Variants in CSMD1 observed in about 807,000 individuals in gnomAD.
CSMD1 encodes the protein CUB and Sushi multiple domains 1, also known as CUB and sushi domain-containing protein 1.
A neutral mutation model predicts 417.5 loss-of-function variants in CSMD1; 213 were observed. That is an observed-to-expected ratio of 0.51 (90% CI 0.46 to 0.57). The LOEUF is 0.57. Among genes scored for constraint, CSMD1 ranks in the 20% least tolerant of loss-of-function variants. CSMD1 has a pLI of 0.00. For synonymous variants in CSMD1, 2,862 were observed against 1,736.8 expected, an observed-to-expected ratio of 1.65 and a Z score of -16.11; for missense variants, 6,923 against 4,529.7, an observed-to-expected ratio of 1.53 and a Z score of -15.17.
intron 25 of CSMD1, among the ~76,000 whole-genome samples, chr8:3,293,852 T>G (rs1803762597): frequency 6.6e-6 from 1 of 152,234 alleles, no homozygotes; most frequent in South Asian, 2.1e-4. Flanking sequence ...TCCATCCAGC[T>G]TTGTTCCATT....
intron 11 of CSMD1, among the ~76,000 whole-genome samples, chr8:3,475,396 T>C (rs1041973764): frequency 6.6e-6 from 1 of 152,220 alleles, no homozygotes; most frequent in African/African-American, 2.4e-5. Context: ...CTACACTGTA[T>C]TCATTATACA....
intron 5 of CSMD1, among the ~76,000 whole-genome samples, chr8:3,911,903 T>C (rs1056370225): frequency 9.2e-5 from 14 of 152,340 alleles, no homozygotes; most frequent in African/African-American, 3.1e-4. Context: ...TTTCTCACCA[T>C]CATTTTCCAA....
In CSMD1 at chr8:3,358,564, T is replaced by C. The variant is rs534207605; in HGVS notation, c.3304+588A>G. ...AATTCCTGCATGTGAGCCTAGTACT[T>C]CATGGCAAAGTACCGAAATAAAAAT... On this transcript the variant is annotated intron_variant, in intron 21 of 69. Coordinates refer to ENST00000635120, the MANE Select transcript of CSMD1 (RefSeq NM_033225.6). Among the ~76,000 whole-genome samples the C allele has an allele frequency of 1.3e-4, 20 of 152,182 alleles. 1 individual carries two copies. The South Asian group carries it at 3.5e-3, about 27-fold the overall frequency.
intron 3 of CSMD1, among the ~76,000 whole-genome samples, chr8:4,204,357 G>A (rs1223637918): frequency 1.3e-5 from 2 of 151,748 alleles, no homozygotes; most frequent in Non-Finnish European, 1.5e-5. Context: ...TTCTAGGTGA[G>A]CAAACTGACA....
At chr8:4,924,720 C>G (rs550631216) in intron 1 of CSMD1, among the ~76,000 whole-genome samples, 814 of 18,108 alleles carry the variant, frequency 0.045, 8 homozygotes, top group African/African-American at 0.12. Flanking sequence ...GAAACTCCAT[C>G]TCAAAAAAAA....
chr8:4,396,330 G>C (rs796163692), intron 3 of CSMD1, among the ~76,000 whole-genome samples: 20 of 151,924 alleles, frequency 1.3e-4, no homozygotes, highest in African/African-American at 4.6e-4. Context: ...AGCCAGGCAT[G>C]GTAGCATGCA....
At chr8:3,924,887 G>A (rs371277055) in intron 5 of CSMD1, among the ~76,000 whole-genome samples, 7 of 152,076 alleles carry the variant, frequency 4.6e-5, no homozygotes, top group African/African-American at 1.7e-4. Flanking sequence ...TGGTACTGGT[G>A]CTTTGTTTTG....
chr8:4,961,882 C>T (rs899159692), intron 1 of CSMD1, among the ~76,000 whole-genome samples: 5 of 110,122 alleles, frequency 4.5e-5, no homozygotes, highest in Admixed American at 1.8e-4. Flanking sequence ...TTTTCTAACA[C>T]GTGCAAAAAT....
intron 3 of CSMD1, among the ~76,000 whole-genome samples, chr8:4,185,505 C>G (rs888358994): frequency 2.6e-5 from 4 of 152,092 alleles, no homozygotes; most frequent in Admixed American, 2.6e-4. Flanking sequence ...TCCGAAAACA[C>G]TATTCTGCTA....
chr8:4,165,594 G>C (rs1262351732), intron 3 of CSMD1, among the ~76,000 whole-genome samples: 1 of 152,082 alleles, frequency 6.6e-6, no homozygotes, highest in Non-Finnish European at 1.5e-5. Context: ...GTAGAGACAT[G>C]GTCTCACTAT....
At chr8:4,100,448 C>A (rs978134743) in intron 3 of CSMD1, among the ~76,000 whole-genome samples, 1 of 152,166 alleles carries the variant, frequency 6.6e-6, no homozygotes, top group Non-Finnish European at 1.5e-5. Context: ...AATTCACTAT[C>A]CTTTTATCTC....
intron 2 of CSMD1, among the ~76,000 whole-genome samples, chr8:4,462,067 G>C (rs1388496084): frequency 6.6e-6 from 1 of 151,664 alleles, no homozygotes; most frequent in East Asian, 2.0e-4. Flanking sequence ...TAGGGATGAA[G>C]TCTCACTGTG....
Position 3,406,848 on chromosome 8 carries a change from G to A in CSMD1, c.2072-627C>T, listed in dbSNP as rs1004610943. Among the ~76,000 whole-genome samples the A allele has an allele frequency of 1.2e-4, 19 of 152,282 alleles. No individual in the cohort carries two copies. The East Asian group carries it at 3.3e-3, about 26-fold the overall frequency. ...CATAAAATAGGTTTTAAAATGAGGAGCCTAAAGCAAAGAGAATGAGCTGTC... is the reference window on the plus strand; with the variant it reads ...CATAAAATAGGTTTTAAAATGAGGAACCTAAAGCAAAGAGAATGAGCTGTC... On this transcript the variant is annotated intron_variant, in intron 14 of 69. Transcript: ENST00000635120.
intron 5 of CSMD1, among the ~76,000 whole-genome samples, chr8:3,856,326 C>T (rs1804308964): frequency 6.6e-6 from 1 of 152,116 alleles, no homozygotes; most frequent in African/African-American, 2.4e-5. Flanking sequence ...TTGAGGCTGC[C>T]CCAGAAGCTG....
chr8:3,496,253 T>C (rs1205591666), intron 10 of CSMD1, among the ~76,000 whole-genome samples: 1 of 152,202 alleles, frequency 6.6e-6, no homozygotes, highest in Non-Finnish European at 1.5e-5. Context: ...AGAAAGCCAG[T>C]CTCTTTGCCA....
chr8:3,052,645 C>T lies in CSMD1; in HGVS notation c.7477G>A (p.Val2493Met), dbSNP rs763654623. Residue 2493 changes from valine to methionine, a missense_variant and splice_region_variant, in exon 50 of 70, where the codon GTG (valine) becomes ATG (methionine). Coordinates refer to ENST00000635120, the MANE Select transcript of CSMD1 (RefSeq NM_033225.6). ...GGGGATTCTGGGATTCCACAGGACA[C>T]AGCTGAAAAGAAATGAAACAAATGT... The part of the protein sequence containing the change: ...WDSLTPLCQA[V>M]SCGIPESPGN... 1.9e-6 allele frequency: 3 copies of T among 1,593,856 alleles called. No homozygotes were observed. The highest frequency in any genetic ancestry group is 2.3e-5 in the East Asian group (1 of 44,194).
At chr8:3,492,620 G>A (rs564026738) in intron 11 of CSMD1, among the ~76,000 whole-genome samples, 2 of 152,336 alleles carry the variant, frequency 1.3e-5, no homozygotes, top group South Asian at 2.1e-4. Flanking sequence ...TAAACCAGGT[G>A]TGATAAAATG....
At chr8:4,754,597 A>T (rs1004220013) in intron 1 of CSMD1, among the ~76,000 whole-genome samples, 1 of 151,706 alleles carries the variant, frequency 6.6e-6, no homozygotes. Context: ...CATGTCTGTA[A>T]TCCTAGAACT....
intron 49 of CSMD1, among the ~76,000 whole-genome samples, chr8:3,074,085 T>A (rs561575842): frequency 1.3e-5 from 2 of 152,340 alleles, no homozygotes; most frequent in East Asian, 3.9e-4. Flanking sequence ...ACTTGGAAGA[T>A]CACTCAAGTG....
Sources: allele counts gnomAD v4.1 joint callset (sites outside exome capture counted in the v4.1 genomes callset), GRCh38; gene constraint gnomAD v4.1.1; transcripts MANE v1.5; gene names NCBI Gene and HGNC (gene_info 2026-07-23, HGNC 2026-07-21).